RNF141: variants seen among roughly 807,000 people sequenced by gnomAD.
The protein encoded by RNF141 is C3HC4-like zinc finger protein.
In RNF141, 18 loss-of-function variants were observed where a neutral mutation model predicts 27.4. That is an observed-to-expected ratio of 0.66 (90% CI 0.45 to 0.97). The LOEUF (loss-of-function observed/expected upper bound fraction) is 0.97. RNF141 is among the 50% of genes least tolerant of loss of function. The probability of loss-of-function intolerance (pLI) is 0.00; values close to 1 mark genes in which losing one functional copy is unlikely to be tolerated. For synonymous variants in RNF141, 97 were observed against 96.6 expected, an observed-to-expected ratio of 1.00 and a Z score of -0.02; for missense variants, 230 against 279.4, an observed-to-expected ratio of 0.82 and a Z score of 1.26.
chr11:10,524,379 C>T (rs577654356), intron 4 of RNF141, among the ~76,000 whole-genome samples: 13 of 151,590 alleles, frequency 8.6e-5, no homozygotes, highest in African/African-American at 3.2e-4. Context: ...CGCGCCTGGG[C>T]GACAGAGCAA....
chr11:10,533,396 AT>A (rs2133974911), intron 2 of RNF141, among the ~76,000 whole-genome samples: 1 of 152,260 alleles, frequency 6.6e-6, no homozygotes, highest in African/African-American at 2.4e-5. Flanking sequence ...CATTTTAGAA[AT>A]TTAGTCAAAG....
intron 2 of RNF141, 67 bp downstream of exon 2, chr11:10,533,949 C>G: frequency 7.0e-7 from 1 of 1,430,754 alleles, no homozygotes; most frequent in Non-Finnish European, 9.6e-7. Context: ...ATATCTTACA[C>G]AGCCATGACA....
At chr11:10,530,881 AATGATT>A in intron 2 of RNF141, 130 bp from the exon 3 acceptor site, 1 of 521,552 alleles carries the variant, frequency 1.9e-6, no homozygotes, top group Non-Finnish European at 3.4e-6. Context: ...GACAAATAAT[AATGATT>A]ATAATAACTG....
chr11:10,519,952 C>CT lies in RNF141; in HGVS notation c.435-812dup, dbSNP rs559594300. On this transcript the variant is annotated intron_variant, in intron 4 of 5. Coordinates refer to ENST00000265981, the MANE Select transcript of RNF141 (RefSeq NM_016422.4). ...TTCTTGGGCCACATATATACTAACACTAACACTAACAATATCTGATGAGCT... is the reference window on the plus strand; with the variant it reads ...TTCTTGGGCCACATATATACTAACACTTAACACTAACAATATCTGATGAGCT... 6.6e-5 allele frequency among the ~76,000 whole-genome samples: 10 copies of CT among 152,186 alleles called. No individual in the cohort carries two copies. The East Asian group carries it at 1.9e-3, about 29-fold the overall frequency.
chr11:10,530,853 T>A, intron 2 of RNF141, 102 bp from the exon 3 acceptor site: 1 of 568,920 alleles, frequency 1.8e-6, no homozygotes, highest in Admixed American at 3.6e-5. Context: ...GAGAAGGAAA[T>A]ATGAAGAAAC....
intron 3 of RNF141, among the ~76,000 whole-genome samples, 178 bp downstream of exon 3, chr11:10,530,465 T>C (rs1311775214): frequency 6.6e-6 from 1 of 152,202 alleles, no homozygotes; most frequent in Non-Finnish European, 1.5e-5. Context: ...TGTATAGCAA[T>C]TAGACAACTG....
chr11:10,531,203 C>T (rs989916808), intron 2 of RNF141, among the ~76,000 whole-genome samples: 5 of 151,870 alleles, frequency 3.3e-5, no homozygotes, highest in Non-Finnish European at 5.9e-5. Flanking sequence ...GGTGAAACCC[C>T]GTCTCTACTA....
chr11:10,530,931 C>T (rs1849980279), intron 2 of RNF141, among the ~76,000 whole-genome samples, 180 bp from the exon 3 acceptor site: 2 of 152,104 alleles, frequency 1.3e-5, no homozygotes, highest in Admixed American at 6.5e-5. Flanking sequence ...ATATTTTGAA[C>T]ATAAACATGC....
rs1849810579 is a variant in RNF141, at chr11:10,512,662, G to A, written c.*2254C>T. 1 of 152,102 alleles carries A rather than the reference G, an allele frequency of 6.6e-6. No homozygotes were observed. Among genetic ancestry groups the A allele is most frequent in the Non-Finnish European group, 1.5e-5 (1 of 68,004 alleles). 9.4% of individuals were successfully genotyped at this position (152,102 alleles called of 1,614,324 possible). A position where few individuals can be genotyped will look rare whatever the true frequency, so the allele number is the denominator to read the frequency against. On this transcript the variant is annotated 3_prime_UTR_variant, in exon 6 of 6. Transcript: ENST00000265981. Reference sequence around the variant, plus strand: ...AATCTTAGAGCTGGAAAAGATTTCAGTGGATCATCTATCCCAAGGTTTTCA... The same window carrying A: ...AATCTTAGAGCTGGAAAAGATTTCAATGGATCATCTATCCCAAGGTTTTCA...
rs1849827336 is a variant in RNF141 at position 10,514,502 on chromosome 11, T to TA, written c.*413dup. ...GAAGTATTCTACATTTTCAGTCACTTAAACTTTCCTCTCTCAGATGGCTAC... is the reference window on the plus strand; with the variant it reads ...GAAGTATTCTACATTTTCAGTCACTTAAAACTTTCCTCTCTCAGATGGCTAC... On this transcript the variant is annotated 3_prime_UTR_variant, in exon 6 of 6. Coordinates refer to ENST00000265981, the MANE Select transcript of RNF141 (RefSeq NM_016422.4). The TA allele has an allele frequency of 6.5e-6, 1 of 154,470 alleles. No individual in the cohort carries two copies. The highest frequency in any genetic ancestry group is 2.4e-5 in the African/African-American group (1 of 41,524). The allele number at this position is 154,470 out of a possible 1,614,324, so 9.6% of individuals were successfully genotyped here.
intron 1 of RNF141, among the ~76,000 whole-genome samples, chr11:10,538,259 G>A (rs1023344352): frequency 1.2e-4 from 19 of 152,166 alleles, no homozygotes; most frequent in Non-Finnish European, 2.4e-4. Context: ...AGTATCTAGA[G>A]ACTACCTGAG....
chr11:10,533,605 A>G (rs998166637), intron 2 of RNF141, among the ~76,000 whole-genome samples: 41 of 152,122 alleles, frequency 2.7e-4, no homozygotes, highest in African/African-American at 9.9e-4. Context: ...CTTCATGTAC[A>G]GAAACCTTCT....
In RNF141 at chr11:10,519,069, A is replaced by C. The variant is rs1849865321; in HGVS notation, c.507T>G (p.Cys169Trp). The C allele has an allele frequency of 1.2e-6, 2 of 1,614,106 alleles. No homozygotes were observed. The highest frequency in any genetic ancestry group is 1.1e-5 in the South Asian group (1 of 91,084). Reference protein sequence around the residue: ...MDGRADLILPCAHSFCQKCID... With the variant: ...MDGRADLILPWAHSFCQKCID... ...TACACTTCTGACAAAAGCTGTGAGC[A>C]CAAGGCAGGATGAGGTCAGCCCGCC... Residue 169 changes from cysteine (C) to tryptophan (W), a missense_variant, in exon 5 of 6, where the codon TGT (cysteine) becomes TGG (tryptophan). Physicochemically the swap from Cys to Trp is radical, Grantham distance 215. Coordinates refer to ENST00000265981, the MANE Select transcript of RNF141 (RefSeq NM_016422.4).
chr11:10,524,370 G>T (rs1241478553), intron 4 of RNF141, among the ~76,000 whole-genome samples: 1 of 152,000 alleles, frequency 6.6e-6, no homozygotes. Flanking sequence ...AGCCGAGATC[G>T]CGCCTGGGCG....
At chr11:10,536,130 T>TA (rs1443007286) in intron 1 of RNF141, among the ~76,000 whole-genome samples, 1 of 151,870 alleles carries the variant, frequency 6.6e-6, no homozygotes, top group Admixed American at 6.6e-5. Context: ...TGAAAGCCTA[T>TA]AAAAGGGGGA....
chr11:10,524,628 A>G (rs999521535), intron 4 of RNF141, among the ~76,000 whole-genome samples: 1 of 152,214 alleles, frequency 6.6e-6, no homozygotes, highest in African/African-American at 2.4e-5. Flanking sequence ...ATAACAGAGA[A>G]GGAAAAGAAA....
chr11:10,528,157 A>T (rs1849954832), intron 3 of RNF141, among the ~76,000 whole-genome samples: 2 of 152,296 alleles, frequency 1.3e-5, no homozygotes, highest in East Asian at 3.9e-4. Context: ...GATGGCAGAG[A>T]GTCAAGAAAA....
At chr11:10,517,130 T>C (rs1458133279) in intron 5 of RNF141, 2 of 151,928 alleles carry the variant, frequency 1.3e-5, no homozygotes, top group African/African-American at 4.8e-5. Flanking sequence ...CTATATTCTA[T>C]ATAGTTAAAA....
intron 1 of RNF141, among the ~76,000 whole-genome samples, chr11:10,536,117 CT>C (rs1850032457): frequency 6.6e-6 from 1 of 152,002 alleles, no homozygotes. Flanking sequence ...AGTACAGGTG[CT>C]GTGAAAGCCT....
Sources: gnomAD v4.1 joint callset for allele counts (sites outside exome capture counted in the v4.1 genomes callset) on GRCh38, gnomAD v4.1.1 for gene constraint, MANE v1.5 for transcripts, NCBI Gene and HGNC (gene_info 2026-07-23, HGNC 2026-07-21) for gene names.